Variants in DIS3L2 observed in about 807,000 individuals in gnomAD.
The protein encoded by DIS3L2 is DIS3 like 3'-5' exoribonuclease 2, also known as DIS3-like exonuclease 2.
In DIS3L2, 34 loss-of-function variants were observed where a neutral mutation model predicts 97.5. The ratio of observed to expected loss-of-function variants is 0.35; its 90% confidence interval spans 0.27 to 0.46. The LOEUF (loss-of-function observed/expected upper bound fraction) is 0.46, where lower values mean the gene tolerates loss of function less well. DIS3L2 is among the 20% of genes least tolerant of loss of function. The pLI is 1.00. For synonymous variants in DIS3L2, 435 were observed against 445.2 expected, an observed-to-expected ratio of 0.98 and a Z score of 0.29; for missense variants, 1,038 against 1,146.0, an observed-to-expected ratio of 0.91 and a Z score of 1.36.
At chr2:232,237,002 G>A (rs1179336177) in intron 10 of DIS3L2, among the ~76,000 whole-genome samples, 12 of 152,114 alleles carry the variant, frequency 7.9e-5, no homozygotes, top group Non-Finnish European at 1.5e-4. Flanking sequence ...CGCCAGCCTT[G>A]ACCTCCCAAA....
At chr2:231,976,849 G>C (rs1476144062) in intron 1 of DIS3L2, among the ~76,000 whole-genome samples, 2 of 149,948 alleles carry the variant, frequency 1.3e-5, no homozygotes, top group Admixed American at 1.3e-4. Context: ...CTCACTGCAG[G>C]CTCCGCCTCC....
At chr2:232,232,693 C>T (rs192444393) in intron 10 of DIS3L2, among the ~76,000 whole-genome samples, 1 of 152,106 alleles carries the variant, frequency 6.6e-6, no homozygotes, top group Non-Finnish European at 1.5e-5. Flanking sequence ...TGTGATGTGA[C>T]CGTGGGACAG....
chr2:231,995,633 C>T (rs1040832864), intron 1 of DIS3L2, among the ~76,000 whole-genome samples: 1 of 152,170 alleles, frequency 6.6e-6, no homozygotes, highest in Non-Finnish European at 1.5e-5. Context: ...GAAAGTGCTC[C>T]CAGGGTCTCT....
At chr2:232,098,274 A>G (rs1697085756) in intron 6 of DIS3L2, among the ~76,000 whole-genome samples, 1 of 151,982 alleles carries the variant, frequency 6.6e-6, no homozygotes, top group Admixed American at 6.6e-5. Context: ...GAATGATTGT[A>G]GTGTACACTC....
intron 10 of DIS3L2, among the ~76,000 whole-genome samples, chr2:232,233,820 A>G (rs545435787): frequency 2.0e-5 from 3 of 152,356 alleles, no homozygotes; most frequent in African/African-American, 7.2e-5. Context: ...AGTGGTTTAG[A>G]TTTTAAAGAG....
intron 1 of DIS3L2, among the ~76,000 whole-genome samples, chr2:231,965,904 G>A (rs1050494129): frequency 2.0e-5 from 3 of 151,128 alleles, no homozygotes; most frequent in African/African-American, 7.3e-5. Context: ...CTGTGGCCTC[G>A]ACCTTCTGGG....
intron 14 of DIS3L2, 172 bp from the exon 15 acceptor site, chr2:232,329,633 GGGGGTGCT>G (rs1695673501): frequency 1.7e-6 from 1 of 584,466 alleles, no homozygotes; most frequent in African/African-American, 1.9e-5. Flanking sequence ...GGGAGACCAT[GGGGGTGCT>G]GGGCAAGACA....
chr2:232,038,021 C>T (rs1370007801), intron 5 of DIS3L2, among the ~76,000 whole-genome samples: 1 of 152,214 alleles, frequency 6.6e-6, no homozygotes, highest in Non-Finnish European at 1.5e-5. Flanking sequence ...TTTTGAATTA[C>T]AGTGAACTTT....
intron 11 of DIS3L2, among the ~76,000 whole-genome samples, chr2:232,243,357 C>T (rs1007653726): frequency 1.3e-5 from 2 of 151,834 alleles, no homozygotes; most frequent in African/African-American, 4.8e-5. Context: ...GAGTGGTAGG[C>T]GAAGGAGCTC....
At chr2:232,082,346 A>G (rs1469666425) in intron 5 of DIS3L2, among the ~76,000 whole-genome samples, 1 of 152,228 alleles carries the variant, frequency 6.6e-6, no homozygotes, top group African/African-American at 2.4e-5. Flanking sequence ...ATGGACTGGT[A>G]CTGGTCTGTG....
intron 11 of DIS3L2, among the ~76,000 whole-genome samples, chr2:232,241,096 G>A (rs1235735526): frequency 2.0e-5 from 3 of 152,228 alleles, no homozygotes; most frequent in African/African-American, 7.2e-5. Context: ...GCGCCGGCCC[G>A]CAACCTTGGA....
At chr2:232,045,192 A>G (rs887515455) in intron 5 of DIS3L2, among the ~76,000 whole-genome samples, 1 of 152,206 alleles carries the variant, frequency 6.6e-6, no homozygotes, top group Non-Finnish European at 1.5e-5. Context: ...TGTGAAGAGT[A>G]GAAAAGGCTT....
chr2:232,196,136 T>C (rs943735101), intron 9 of DIS3L2, among the ~76,000 whole-genome samples: 50 of 152,212 alleles, frequency 3.3e-4, no homozygotes, highest in Non-Finnish European at 4.4e-5. Flanking sequence ...AGGGTCTTGC[T>C]CTGTCACCCA....
intron 6 of DIS3L2, among the ~76,000 whole-genome samples, chr2:232,088,269 G>A (rs1446260892): frequency 4.6e-5 from 7 of 151,006 alleles, no homozygotes; most frequent in Non-Finnish European, 8.9e-5. Context: ...GGCGTGGGCC[G>A]GGCGCGGTGG....
intron 20 of DIS3L2, chr2:232,336,150 G>A (rs1392172644): frequency 1.3e-6 from 2 of 1,537,488 alleles, no homozygotes; most frequent in African/African-American, 1.4e-5. Context: ...GGGTCCTTTA[G>A]AGAACCTGAT....
At chr2:232,204,612 A>G (rs983589616) in intron 9 of DIS3L2, among the ~76,000 whole-genome samples, 1 of 152,090 alleles carries the variant, frequency 6.6e-6, no homozygotes, top group Non-Finnish European at 1.5e-5. Flanking sequence ...CTTTCTAACC[A>G]TTGTTGTGGA....
chr2:232,311,117 T>C (rs940090499), intron 14 of DIS3L2, among the ~76,000 whole-genome samples: 1 of 152,222 alleles, frequency 6.6e-6, no homozygotes, highest in African/African-American at 2.4e-5. Context: ...CTTCAGCTCT[T>C]TCTGGCTTTC....
rs540158723 is a variant in DIS3L2 at position 232,103,983 on chromosome 2, C to G, written c.601+16262C>G. 2.5e-4 allele frequency among the ~76,000 whole-genome samples: 38 copies of G among 152,020 alleles called. 1 individual carries two copies. The highest frequency in any genetic ancestry group is 8.9e-4 in the African/African-American group (37 of 41,432). ...TTCATCTGTATCTGTGATCATAACCCCTTTCAGGTCCCCCCCCACCACCTT... is the reference window on the plus strand; with the variant it reads ...TTCATCTGTATCTGTGATCATAACCGCTTTCAGGTCCCCCCCCACCACCTT... On this transcript the variant is annotated intron_variant, in intron 6 of 20. Coordinates refer to ENST00000325385, the MANE Select transcript of DIS3L2 (RefSeq NM_152383.5).
chr2:232,146,139 C>T (rs948609580), intron 8 of DIS3L2, among the ~76,000 whole-genome samples: 1 of 152,086 alleles, frequency 6.6e-6, no homozygotes, highest in South Asian at 2.1e-4. Context: ...AAGGGAGCAC[C>T]TTTAGGATAG....
Sources: allele counts gnomAD v4.1 joint callset (sites outside exome capture counted in the v4.1 genomes callset), GRCh38; gene constraint gnomAD v4.1.1; transcripts MANE v1.5; gene names NCBI Gene and HGNC (gene_info 2026-07-23, HGNC 2026-07-21).